Variants in SLC36A1 observed in about 807,000 individuals in gnomAD.
The protein encoded by SLC36A1 is proton-coupled amino acid transporter 1.
A neutral mutation model predicts 47.5 loss-of-function variants in SLC36A1; 30 were observed. The observed-to-expected ratio is 0.63, with a 90% CI of 0.47 to 0.86. The LOEUF (loss-of-function observed/expected upper bound fraction) is 0.86. SLC36A1 is among the 40% of genes least tolerant of loss of function. The probability of loss-of-function intolerance (pLI) is 0.00; values close to 1 mark genes in which losing one functional copy is unlikely to be tolerated. For missense variants in SLC36A1, 517 were observed against 606.0 expected, an observed-to-expected ratio of 0.85 and a Z score of 1.54; for synonymous variants, 255 against 249.7, an observed-to-expected ratio of 1.02 and a Z score of -0.20.
At chr5:151,537,491 C>CTAAAATAAATTTTAAAAGAA in the SLC36A1 span, among the ~76,000 whole-genome samples, 1 of 151,046 alleles carries the variant, frequency 6.6e-6, no homozygotes, top group South Asian at 2.1e-4. Flanking sequence ...GTCAGCTGTG[C>CTAAAATAAATTTTAAAAGAA]TAAAATAAAT....
At chr5:151,543,184 C>T in the SLC36A1 span, 2 of 1,614,204 alleles carry the variant, frequency 1.2e-6, no homozygotes, top group African/African-American at 1.3e-5. Flanking sequence ...TCCCACCAGG[C>T]TGTCTTTCAC....
At chr5:151,463,370 A>G (rs1755848464) in intron 2 of SLC36A1, among the ~76,000 whole-genome samples, 183 bp from the exon 3 acceptor site, 2 of 152,198 alleles carry the variant, frequency 1.3e-5, no homozygotes, top group South Asian at 4.1e-4. Flanking sequence ...AGACTGCCCA[A>G]ATTTGAATCC....
At chr5:151,487,345 CTGGCTCACCCG>C (rs1471983080) in intron 10 of SLC36A1, among the ~76,000 whole-genome samples, 3 of 152,248 alleles carry the variant, frequency 2.0e-5, no homozygotes, top group Non-Finnish European at 2.9e-5. Context: ...TTCCTCCTTC[CTGGCTCACCCG>C]TGGCTGAGTT....
chr5:151,419,565 G>T, the SLC36A1 span, among the ~76,000 whole-genome samples: 4 of 152,256 alleles, frequency 2.6e-5, no homozygotes, highest in African/African-American at 4.8e-5. Flanking sequence ...GTTTCTTTAG[G>T]GCAGTGGTTC....
At chr5:151,354,634 A>G in the SLC36A1 span, among the ~76,000 whole-genome samples, 9 of 152,310 alleles carry the variant, frequency 5.9e-5, no homozygotes, top group African/African-American at 2.2e-4. Flanking sequence ...CAGCGGGGTT[A>G]GGGGTCATTT....
the SLC36A1 span, among the ~76,000 whole-genome samples, chr5:151,425,917 T>C: frequency 6.6e-6 from 1 of 152,062 alleles, no homozygotes; most frequent in Non-Finnish European, 1.5e-5. Context: ...CAATCACTGT[T>C]AATAGTTTCT....
the SLC36A1 span, chr5:151,527,461 A>G: frequency 7.4e-7 from 1 of 1,359,274 alleles, no homozygotes; most frequent in Non-Finnish European, 9.8e-7. Flanking sequence ...ATATTTTCAA[A>G]AAAAATAAGA....
chr5:151,410,164 C>T, the SLC36A1 span, among the ~76,000 whole-genome samples: 2 of 152,130 alleles, frequency 1.3e-5, no homozygotes, highest in Non-Finnish European at 2.9e-5. Context: ...TCCAGAGTTA[C>T]CAGGCTCCTG....
chr5:151,514,805 C>T, the SLC36A1 span, among the ~76,000 whole-genome samples: 1 of 152,168 alleles, frequency 6.6e-6, no homozygotes, highest in East Asian at 1.9e-4. Flanking sequence ...AAGCCAATCT[C>T]TCCATTTATG....
intron 9 of SLC36A1, chr5:151,477,606 C>A (rs1758252915): frequency 6.6e-6 from 1 of 151,900 alleles, no homozygotes; most frequent in Non-Finnish European, 1.5e-5. Context: ...TTTTTATATT[C>A]TTTTTCAGTT....
the SLC36A1 span, among the ~76,000 whole-genome samples, chr5:151,555,367 C>CTTTTTTTTTTTTTTTTTTTTTTTTT: frequency 8.1e-6 from 1 of 123,112 alleles, no homozygotes; most frequent in African/African-American, 3.1e-5. Flanking sequence ...TAATATATTT[C>CTTTTTTTTTTTTTTTTTTTTTTTTT]TTTTTTTTTT....
At chr5:151,350,342 AC>A in the SLC36A1 span, among the ~76,000 whole-genome samples, 1 of 152,146 alleles carries the variant, frequency 6.6e-6, no homozygotes, top group Non-Finnish European at 1.5e-5. Context: ...CAGAGGGGTT[AC>A]CTCCCTTGCC....
chr5:151,385,979 C>G, the SLC36A1 span, among the ~76,000 whole-genome samples: 1 of 151,210 alleles, frequency 6.6e-6, no homozygotes, highest in African/African-American at 2.4e-5. Context: ...TCAAGTGATT[C>G]TCCTGCCTTA....
At chr5:151,408,387 C>CTTTTTT in the SLC36A1 span, among the ~76,000 whole-genome samples, 100 of 152,280 alleles carry the variant, frequency 6.6e-4, no homozygotes, top group African/African-American at 2.4e-3. Context: ...CAGGGTTTCA[C>CTTTTTT]CATATTAGCC....
the SLC36A1 span, chr5:151,382,470 A>T: frequency 9.1e-6 from 5 of 551,538 alleles, no homozygotes; most frequent in Non-Finnish European, 6.4e-6. Context: ...GGAATCAAAG[A>T]TGGGGTTAAA....
At chr5:151,524,603 A>G in the SLC36A1 span, among the ~76,000 whole-genome samples, 2 of 152,204 alleles carry the variant, frequency 1.3e-5, no homozygotes, top group Admixed American at 6.5e-5. Flanking sequence ...TAGCAGCCCA[A>G]ATGGACTAAG....
chr5:151,511,978 A>C, the SLC36A1 span: 1 of 603,090 alleles, frequency 1.7e-6, no homozygotes, highest in Non-Finnish European at 3.0e-6. Context: ...TTTTGTTGAG[A>C]GGGAAGGAAG....
rs1357330008 is a variant in SLC36A1, at chr5:151,491,916, G to T, written c.*3662G>T. ...TACTTTTAGACAGTAAGTCCGGCTGGTTGCAGGGCTATTTGCCCCGACAGC... is the reference window on the plus strand; with the variant it reads ...TACTTTTAGACAGTAAGTCCGGCTGTTTGCAGGGCTATTTGCCCCGACAGC... On this transcript the variant is annotated 3_prime_UTR_variant, in exon 11 of 11. Transcript: ENST00000243389. 1 of 152,242 alleles carries T rather than the reference G, an allele frequency of 6.6e-6. No homozygotes were observed. Among genetic ancestry groups the T allele is most frequent in the African/African-American group, 2.4e-5 (1 of 41,458 alleles). 9.4% of individuals were successfully genotyped at this position (152,242 alleles called of 1,614,324 possible). A position where few individuals can be genotyped will look rare whatever the true frequency, so the allele number is the denominator to read the frequency against.
the SLC36A1 span, among the ~76,000 whole-genome samples, chr5:151,385,009 A>AGAGAGAGAGTGTGT: frequency 2.0e-4 from 26 of 128,516 alleles, no homozygotes; most frequent in African/African-American, 6.9e-4. Flanking sequence ...AGAGAGAGAG[A>AGAGAGAGAGTGTGT]GTGTGTGTGT....
Sources: allele counts gnomAD v4.1 joint callset (sites outside exome capture counted in the v4.1 genomes callset), GRCh38; gene constraint gnomAD v4.1.1; transcripts MANE v1.5; gene names NCBI Gene and HGNC (gene_info 2026-07-23, HGNC 2026-07-21).